Variants in RASAL2 observed in about 807,000 individuals in gnomAD.
The protein encoded by RASAL2 is ras GTPase-activating protein nGAP.
In RASAL2, 58 loss-of-function variants were observed where a neutral mutation model predicts 128.9. That is an observed-to-expected ratio of 0.45 (90% CI 0.36 to 0.56). The LOEUF is 0.56. Ranked by LOEUF, RASAL2 falls within the 20% of genes least tolerant of loss-of-function variation. The pLI, the probability that RASAL2 is intolerant of heterozygous loss-of-function variation, is 0.00. For synonymous variants in RASAL2, 561 were observed against 580.8 expected, an observed-to-expected ratio of 0.97 and a Z score of 0.49; for missense variants, 1,360 against 1,601.6, an observed-to-expected ratio of 0.85 and a Z score of 2.57.
chr1:178,349,997 C>T (rs950537353), intron 3 of RASAL2, among the ~76,000 whole-genome samples: 2 of 152,202 alleles, frequency 1.3e-5, no homozygotes, highest in Non-Finnish European at 2.9e-5. Context: ...TAAGCTCTGC[C>T]ACCTGTGCTG....
chr1:178,367,872 T>G (rs1415094975), intron 3 of RASAL2, among the ~76,000 whole-genome samples: 3 of 152,208 alleles, frequency 2.0e-5, no homozygotes, highest in African/African-American at 7.2e-5. Context: ...TTGGTAGATA[T>G]CCGGACATAC....
chr1:178,397,801 G>T (rs1673342224), intron 4 of RASAL2, among the ~76,000 whole-genome samples: 1 of 150,550 alleles, frequency 6.6e-6, no homozygotes, highest in East Asian at 2.0e-4. Flanking sequence ...CTTTTGGAGA[G>T]ATGGGATCTT....
intron 1 of RASAL2, among the ~76,000 whole-genome samples, chr1:178,263,263 TAAC>T (rs1665782997): frequency 1.3e-5 from 2 of 152,222 alleles, no homozygotes; most frequent in South Asian, 4.1e-4. Context: ...GTTAAAATAA[TAAC>T]AAGTGCTATT....
chr1:178,101,460 C>G (rs1658895584), intron 1 of RASAL2, among the ~76,000 whole-genome samples: 1 of 152,150 alleles, frequency 6.6e-6, no homozygotes, highest in Non-Finnish European at 1.5e-5. Context: ...CACATTGTGT[C>G]ACTTGTAGCA....
intron 1 of RASAL2, among the ~76,000 whole-genome samples, chr1:178,267,941 G>C (rs143678820): frequency 4.6e-5 from 7 of 151,044 alleles, no homozygotes; most frequent in Admixed American, 1.3e-4. Flanking sequence ...TGTATTCCTC[G>C]TTGTGTGGAT....
chr1:178,314,857 T>C (rs1315653079), intron 3 of RASAL2, among the ~76,000 whole-genome samples: 1 of 151,162 alleles, frequency 6.6e-6, no homozygotes, highest in African/African-American at 2.4e-5. Context: ...GTTACATATG[T>C]ATACATGTGC....
chr1:178,403,512 A>G (rs1449721372), intron 4 of RASAL2, among the ~76,000 whole-genome samples: 1 of 152,186 alleles, frequency 6.6e-6, no homozygotes, highest in East Asian at 1.9e-4. Context: ...GTATAAATAA[A>G]AAGTTTAGAT....
intron 8 of RASAL2, 33 bp downstream of exon 8, chr1:178,443,262 G>A: frequency 6.6e-7 from 1 of 1,525,836 alleles, no homozygotes; most frequent in South Asian, 1.2e-5. Context: ...AGTACCTGAA[G>A]TCTCTTCCCT....
In RASAL2 at chr1:178,150,994, T is replaced by G. The variant is rs1047478127; in HGVS notation, c.202+56300T>G. 2.0e-5 allele frequency among the ~76,000 whole-genome samples: 3 copies of G among 152,138 alleles called. No homozygotes were observed. The South Asian group carries it at 6.2e-4, about 32-fold the overall frequency. On this transcript the variant is annotated intron_variant, in intron 1 of 17. Coordinates refer to ENST00000367649, the MANE Select transcript of RASAL2 (RefSeq NM_170692.4). ...GAAGTGCTGAAGTGTTATCTAGTGT[T>G]TGTAAGTGCAAGAAGGCTATGCTCT...
intron 3 of RASAL2, among the ~76,000 whole-genome samples, chr1:178,322,603 C>G (rs1468950995): frequency 1.3e-5 from 2 of 152,194 alleles, no homozygotes; most frequent in Non-Finnish European, 2.9e-5. Context: ...TCTAGTCATT[C>G]TAACTTTACA....
intron 3 of RASAL2, among the ~76,000 whole-genome samples, chr1:178,385,790 G>A (rs1672532895): frequency 6.6e-6 from 1 of 152,060 alleles, no homozygotes; most frequent in Non-Finnish European, 1.5e-5. Flanking sequence ...AATCCCACTG[G>A]CCTCTTTGTT....
At chr1:178,393,167 C>A (rs1243297755) in intron 4 of RASAL2, among the ~76,000 whole-genome samples, 2 of 152,080 alleles carry the variant, frequency 1.3e-5, no homozygotes, top group Non-Finnish European at 2.9e-5. Context: ...TTTCCACGGA[C>A]CAGGGTTGGG....
At chr1:178,122,562 G>A (rs878942009) in intron 1 of RASAL2, among the ~76,000 whole-genome samples, 1 of 152,206 alleles carries the variant, frequency 6.6e-6, no homozygotes, top group African/African-American at 2.4e-5. Flanking sequence ...TCAACTTAAT[G>A]TGTGTCCAGG....
At chr1:178,434,451 A>G (rs1041969081) in intron 5 of RASAL2, among the ~76,000 whole-genome samples, 2 of 152,126 alleles carry the variant, frequency 1.3e-5, no homozygotes, top group African/African-American at 4.8e-5. Context: ...TTGAGTGACA[A>G]CTCAGGCTGA....
intron 1 of RASAL2, among the ~76,000 whole-genome samples, chr1:178,118,637 C>T (rs1390482572): frequency 6.6e-6 from 1 of 152,170 alleles, no homozygotes; most frequent in Non-Finnish European, 1.5e-5. Context: ...TGATCACGCA[C>T]CAGCTGGGAG....
At chr1:178,279,442 C>G (rs1557873450) in intron 1 of RASAL2, among the ~76,000 whole-genome samples, 1 of 152,102 alleles carries the variant, frequency 6.6e-6, no homozygotes, top group Non-Finnish European at 1.5e-5. Context: ...ACATCAGTCT[C>G]CCATACATTG....
At chr1:178,248,019 G>A (rs904623591) in intron 1 of RASAL2, among the ~76,000 whole-genome samples, 1 of 152,206 alleles carries the variant, frequency 6.6e-6, no homozygotes, top group Admixed American at 6.5e-5. Context: ...TAAGTGCTGT[G>A]TAGTGCTGAG....
At chr1:178,372,821 A>G (rs1297203074) in intron 3 of RASAL2, among the ~76,000 whole-genome samples, 6 of 152,140 alleles carry the variant, frequency 3.9e-5, no homozygotes, top group Non-Finnish European at 7.4e-5. Flanking sequence ...TGGACCTCCC[A>G]TTGCTTTAAT....
At chr1:178,291,613 T>G (rs989331757) in intron 2 of RASAL2, among the ~76,000 whole-genome samples, 5 of 152,112 alleles carry the variant, frequency 3.3e-5, no homozygotes, top group Non-Finnish European at 7.4e-5. Flanking sequence ...AGCCATTGCT[T>G]TACATTGCTT....
Sources: allele counts gnomAD v4.1 joint callset (sites outside exome capture counted in the v4.1 genomes callset), GRCh38; gene constraint gnomAD v4.1.1; transcripts MANE v1.5; gene names NCBI Gene and HGNC (gene_info 2026-07-23, HGNC 2026-07-21).